Variants in TMEM86A observed in about 807,000 individuals in gnomAD.
TMEM86A encodes transmembrane protein 86A.
In TMEM86A, 13 loss-of-function variants were observed where a neutral mutation model predicts 19.8. The observed-to-expected ratio is 0.66, with a 90% confidence interval of 0.43 to 1.04. The LOEUF is 1.04. TMEM86A is among the 50% of genes least tolerant of loss of function. The pLI is 0.00. For synonymous variants in TMEM86A, 128 were observed against 129.9 expected (o/e 0.99, Z 0.10); for missense variants, 248 against 306.8 (o/e 0.81, Z 1.43).
rs759410122 is a variant in TMEM86A, at chr11:18,701,176, G to A, written c.265G>A (p.Asp89Asn). ...AVGDAFLIWQ[D>N]QGYFVHGLLM... ...AGGTGACGCCTTCCTCATCTGGCAG[G>A]ACCAAGGATACTTCGTGCATGGTCA... The change falls in exon 2 of 3, where the codon GAC (aspartate) becomes AAC (asparagine). Residue 89 changes from aspartate (D) to asparagine (N), a missense_variant. By Grantham distance (23) the Asp-to-Asn change is conservative. Coordinates refer to ENST00000280734, the MANE Select transcript of TMEM86A (RefSeq NM_153347.3). The surrounding 1 kb of genome is among the most constrained non-coding windows in gnomAD (Gnocchi z 5.3). 4.3e-6 allele frequency: 7 copies of A among 1,613,752 alleles called. No individual in the cohort carries two copies. The highest frequency in any genetic ancestry group is 1.7e-5 in the Admixed American group (1 of 60,018).
In TMEM86A at chr11:18,698,786, G is replaced by A; in HGVS notation, c.-101G>A. 1.6e-6 allele frequency: 1 copy of A among 637,118 alleles called. No homozygotes were observed. Among genetic ancestry groups the A allele is most frequent in the South Asian group, 1.6e-5 (1 of 61,210 alleles). 39.5% of individuals were successfully genotyped at this position (637,118 alleles called of 1,614,324 possible). ...GCCGGGCGCTCGGGAGGTATTGTCC[G>A]TCCCTCCGGGCTTTGTAGAATCGTC... On this transcript the variant is annotated 5_prime_UTR_variant, in exon 1 of 3. Coordinates refer to ENST00000280734, the MANE Select transcript of TMEM86A (RefSeq NM_153347.3).
At position 18,703,021 on chromosome 11, in the gene TMEM86A, A is replaced by G. The variant is rs963607572; in HGVS notation, c.*1012A>G. On this transcript the variant is annotated 3_prime_UTR_variant, in exon 3 of 3. Coordinates refer to ENST00000280734, the MANE Select transcript of TMEM86A (RefSeq NM_153347.3). ...GCTCCAATGACACTCCGGGGTTTTA[A>G]GACCCAAGGCACATTCAATGCAAGG... 3 of 152,728 alleles carry G rather than the reference A, an allele frequency of 2.0e-5. No individual in the cohort carries two copies. The highest frequency in any genetic ancestry group is 2.0e-4 in the Admixed American group (3 of 15,286). 9.5% of individuals were successfully genotyped at this position (152,728 alleles called of 1,614,324 possible).
chr11:18,704,475 A>G lies in TMEM86A; in HGVS notation c.*2466A>G, dbSNP rs201097083. ...CCTGGGCTTGGCTGGAGCTCACATG[A>G]GGTGCTTTGATTTCTTCTGCAGACT... On this transcript the variant is annotated 3_prime_UTR_variant, in exon 3 of 3. Transcript: ENST00000280734. The G allele has an allele frequency of 5.6e-4, 863 of 1,549,594 alleles. 1 individual carries two copies. The highest frequency in any genetic ancestry group is 5.3e-4 in the Admixed American group (27 of 50,982).
Position 18,701,750 on chromosome 11 carries a change from G to T in TMEM86A, c.464G>T (p.Gly155Val). The change falls in exon 3 of 3, where the codon GGC becomes GTC. Residue 155 changes from glycine (G) to valine (V), a missense_variant. Gly to Val is a moderately radical substitution (Grantham distance 109, BLOSUM62 -3). Coordinates refer to ENST00000280734, the MANE Select transcript of TMEM86A (RefSeq NM_153347.3). This position sits in a 1 kb window ranked among gnomAD's most constrained non-coding sequence, Gnocchi z 5.3. ...YLVGVYVALI[G>V]FMGWRAMAGL... ...GTGGGGGTCTATGTGGCCCTTATCG[G>T]CTTCATGGGCTGGCGAGCTATGGCA... 6.2e-7 allele frequency: 1 copy of T among 1,614,136 alleles called. No individual in the cohort carries two copies. Among genetic ancestry groups the T allele is most frequent in the Non-Finnish European group, 8.5e-7 (1 of 1,180,026 alleles).
chr11:18,702,195 A>G lies in TMEM86A; in HGVS notation c.*186A>G. The G allele has an allele frequency of 1.6e-6, 1 of 631,852 alleles. No homozygotes were observed. The highest frequency in any genetic ancestry group is 2.7e-6 in the Non-Finnish European group (1 of 366,366). 39.1% of individuals were successfully genotyped at this position (631,852 alleles called of 1,614,324 possible). A position where few individuals can be genotyped will look rare whatever the true frequency, so the allele number is the denominator to read the frequency against. ...CTAGCAGAACTCGTGGTTCAGGACA[A>G]TGCTGAGAGCTAAAAGAGCCAGCCT... On this transcript the variant is annotated 3_prime_UTR_variant, in exon 3 of 3. Transcript: ENST00000280734.
intron 1 of TMEM86A, 123 bp from the exon 2 acceptor site, chr11:18,700,810 A>T: frequency 7.3e-7 from 1 of 1,369,542 alleles, no homozygotes; most frequent in Non-Finnish European, 9.9e-7. Flanking sequence ...CAGTCTTCTC[A>T]GGTTGGGGGT....
Position 18,701,959 on chromosome 11 carries a change from G to C in TMEM86A, c.673G>C (p.Val225Leu). 1 of 1,612,074 alleles carries C rather than the reference G, an allele frequency of 6.2e-7. No homozygotes were observed. Among genetic ancestry groups the C allele is most frequent in the Non-Finnish European group, 8.5e-7 (1 of 1,180,030 alleles). Reference protein sequence around the residue: ...VAQMLVALSAVESREPVEHYR... With the variant: ...VAQMLVALSALESREPVEHYR... ...CCAGATGCTCGTCGCCTTGTCAGCTGTCGAAAGCCGGGAGCCTGTGGAACA... is the reference window on the plus strand; with the variant it reads ...CCAGATGCTCGTCGCCTTGTCAGCTCTCGAAAGCCGGGAGCCTGTGGAACA... The change falls in exon 3 of 3, where the codon GTC (valine) becomes CTC (leucine). Residue 225 changes from valine (V) to leucine (L), a missense_variant. Coordinates refer to ENST00000280734, the MANE Select transcript of TMEM86A (RefSeq NM_153347.3). This position sits in a 1 kb window ranked among gnomAD's most constrained non-coding sequence, Gnocchi z 5.3.
chr11:18,701,541 C>G lies in TMEM86A; in HGVS notation c.287-32C>G. 2 of 1,528,876 alleles carry G rather than the reference C, an allele frequency of 1.3e-6. No homozygotes were observed. The highest frequency in any genetic ancestry group is 1.8e-6 in the Non-Finnish European group (2 of 1,138,604). The allele number at this position is 1,528,876 out of a possible 1,614,324, so 94.7% of individuals were successfully genotyped here. ...TGTTACTCATTCTTCATCAAGCTTG[C>G]CCTCAGCTGCCTTTGCCCCTCTTAC... is the stretch of plus-strand genomic sequence containing the variant. On this transcript the variant is annotated intron_variant, in intron 2 of 2. Transcript: ENST00000280734. This position sits in a 1 kb window ranked among gnomAD's most constrained non-coding sequence, Gnocchi z 5.3.
intron 1 of TMEM86A, among the ~76,000 whole-genome samples, chr11:18,700,436 A>C (rs1203652574): frequency 6.6e-6 from 1 of 152,082 alleles, no homozygotes; most frequent in East Asian, 1.9e-4. Context: ...AGGAGGAGAG[A>C]GGCTGTGGTG....
At position 18,698,825 on chromosome 11, in the gene TMEM86A, G is replaced by A; in HGVS notation, c.-62G>A. On this transcript the variant is annotated 5_prime_UTR_variant, in exon 1 of 3. Coordinates refer to ENST00000280734, the MANE Select transcript of TMEM86A (RefSeq NM_153347.3). The stretch of plus-strand genomic sequence containing the variant: ...TGTAGAATCGTCGCCGGCTTACCTG[G>A]CCGTGGGCGCGTCCTGGCCGCTGCA... 6.1e-6 allele frequency: 4 copies of A among 660,338 alleles called. No homozygotes were observed. The highest frequency in any genetic ancestry group is 2.3e-5 in the Admixed American group (1 of 43,462). The allele number at this position is 660,338 out of a possible 1,614,324, so 40.9% of individuals were successfully genotyped here. A position where few individuals can be genotyped will look rare whatever the true frequency, so the allele number is the denominator to read the frequency against.
chr11:18,701,492 C>T lies in TMEM86A; in HGVS notation c.287-81C>T. 7.0e-7 allele frequency: 1 copy of T among 1,428,352 alleles called. No individual in the cohort carries two copies. Among genetic ancestry groups the T allele is most frequent in the Non-Finnish European group, 9.5e-7 (1 of 1,054,554 alleles). 88.5% of individuals were successfully genotyped at this position (1,428,352 alleles called of 1,614,324 possible). Reference sequence around the variant, plus strand: ...TTATCCCAAACACTCCACTCCATCGCCACATCCATCCCTACCCCCACCCTG... The same window carrying T: ...TTATCCCAAACACTCCACTCCATCGTCACATCCATCCCTACCCCCACCCTG... On this transcript the variant is annotated intron_variant, in intron 2 of 2. Coordinates refer to ENST00000280734, the MANE Select transcript of TMEM86A (RefSeq NM_153347.3). The surrounding 1 kb of genome is among the most constrained non-coding windows in gnomAD (Gnocchi z 5.3).
Position 18,699,944 on chromosome 11 carries a change from C to T in TMEM86A, c.22-989C>T, listed in dbSNP as rs7129477. 0.018 allele frequency: 2,792 copies of T among 152,472 alleles called. 93 individuals carry two copies. Among genetic ancestry groups the T allele is most frequent in the African/African-American group, 0.064 (2,650 of 41,554 alleles). The allele number at this position is 152,472 out of a possible 1,614,324, so 9.4% of individuals were successfully genotyped here. On this transcript the variant is annotated intron_variant, in intron 1 of 2. Transcript: ENST00000280734. This position sits in a 1 kb window ranked among gnomAD's most constrained non-coding sequence, Gnocchi z 4.0. Reference sequence around the variant, plus strand: ...AACTCCAGCTGCTCCATATCACCCTCAATGGATCTGTTAGCAGCCCAAGGA... The same window carrying T: ...AACTCCAGCTGCTCCATATCACCCTTAATGGATCTGTTAGCAGCCCAAGGA...
At position 18,701,877 on chromosome 11, in the gene TMEM86A, A is replaced by G; in HGVS notation, c.591A>G (p.Lys197=). The part of the protein sequence containing the change: ...IISDLTIALN[K]FCFPVPYSRA... ...CAGACCTGACCATCGCCCTCAACAA[A>G]TTCTGTTTTCCTGTGCCCTACTCTC... The change falls in exon 3 of 3, where the codon AAA becomes AAG. Residue 197 remains lysine, a synonymous_variant. Coordinates refer to ENST00000280734, the MANE Select transcript of TMEM86A (RefSeq NM_153347.3). The surrounding 1 kb of genome is among the most constrained non-coding windows in gnomAD (Gnocchi z 5.3). 1 of 1,614,050 alleles carries G rather than the reference A, an allele frequency of 6.2e-7. No homozygotes were observed. The highest frequency in any genetic ancestry group is 8.5e-7 in the Non-Finnish European group (1 of 1,180,018).
At position 18,701,506 on chromosome 11, in the gene TMEM86A, A is replaced by G. The variant is rs1391162989; in HGVS notation, c.287-67A>G. The G allele has an allele frequency of 1.4e-6, 2 of 1,476,506 alleles. No individual in the cohort carries two copies. The highest frequency in any genetic ancestry group is 1.3e-5 in the South Asian group (1 of 74,350). The allele number at this position is 1,476,506 out of a possible 1,614,324, so 91.5% of individuals were successfully genotyped here. A position where few individuals can be genotyped will look rare whatever the true frequency, so the allele number is the denominator to read the frequency against. ...CCACTCCATCGCCACATCCATCCCT[A>G]CCCCCACCCTGTTACTCATTCTTCA... On this transcript the variant is annotated intron_variant, in intron 2 of 2. Transcript: ENST00000280734. The surrounding 1 kb of genome is among the most constrained non-coding windows in gnomAD (Gnocchi z 5.3).
Position 18,701,085 on chromosome 11 carries a change from C to A in TMEM86A, c.174C>A (p.Gly58=). The change falls in exon 2 of 3, where the codon GGC becomes GGA. Residue 58 remains glycine, a synonymous_variant. Coordinates refer to ENST00000280734, the MANE Select transcript of TMEM86A (RefSeq NM_153347.3). The surrounding 1 kb of genome is among the most constrained non-coding windows in gnomAD (Gnocchi z 5.3). ...FCLWLFLLAH[G]LGFLLAHPSA... Reference sequence around the variant, plus strand: ...TCTGGCTCTTCCTTCTGGCCCATGGCCTGGGATTCCTGCTGGCCCACCCCA... The same window carrying A: ...TCTGGCTCTTCCTTCTGGCCCATGGACTGGGATTCCTGCTGGCCCACCCCA... 1.2e-6 allele frequency: 2 copies of A among 1,614,166 alleles called. No individual in the cohort carries two copies. Among genetic ancestry groups the A allele is most frequent in the Non-Finnish European group, 1.7e-6 (2 of 1,180,048 alleles).
In TMEM86A at chr11:18,701,902, C is replaced by A. The variant is rs117231481; in HGVS notation, c.616C>A (p.Arg206=). 1,589 of 1,614,098 alleles carry A rather than the reference C, an allele frequency of 9.8e-4. 1 individual carries two copies. Among genetic ancestry groups the A allele is most frequent in the Non-Finnish European group, 1.3e-3 (1,477 of 1,180,042 alleles). Residue 206 remains arginine (R), a synonymous_variant, in exon 3 of 3, where the codon CGG becomes AGG. Transcript: ENST00000280734. This position sits in a 1 kb window ranked among gnomAD's most constrained non-coding sequence, Gnocchi z 5.3. ...ATTCTGTTTTCCTGTGCCCTACTCT[C>A]GGGCGCTTATCATGTCCACCTACTA... ...NKFCFPVPYS[R]ALIMSTYYVA... is the part of the protein sequence containing the mutation.
chr11:18,700,842 A>T, intron 1 of TMEM86A, 91 bp from the exon 2 acceptor site: 1 of 1,531,504 alleles, frequency 6.5e-7, no homozygotes. Context: ...GGGGGTATGG[A>T]TGGGAGTGTC....
At position 18,703,296 on chromosome 11, in the gene TMEM86A, G is replaced by A. The variant is rs1286206167; in HGVS notation, c.*1287G>A. The A allele has an allele frequency of 6.6e-6, 1 of 152,576 alleles. No homozygotes were observed. The allele number at this position is 152,576 out of a possible 1,614,324, so 9.5% of individuals were successfully genotyped here. A position where few individuals can be genotyped will look rare whatever the true frequency, so the allele number is the denominator to read the frequency against. ...GGTTGGAGTGTGTCTCACTTCCCTGGTGTGGGTGAGGATGTGGTTTAGGAG... is the reference window on the plus strand; with the variant it reads ...GGTTGGAGTGTGTCTCACTTCCCTGATGTGGGTGAGGATGTGGTTTAGGAG... On this transcript the variant is annotated 3_prime_UTR_variant, in exon 3 of 3. Coordinates refer to ENST00000280734, the MANE Select transcript of TMEM86A (RefSeq NM_153347.3).
chr11:18,698,971 A>C, intron 1 of TMEM86A, 64 bp downstream of exon 1: 1 of 467,660 alleles, frequency 2.1e-6, no homozygotes, highest in Non-Finnish European at 3.8e-6. Context: ...TGGCCACCGG[A>C]CTTCGGCAGG....
Sources: gnomAD v4.1 joint callset for allele counts (sites outside exome capture counted in the v4.1 genomes callset) on GRCh38, gnomAD v4.1.1 for gene constraint, Gnocchi (gnomAD v3.1) non-coding constraint, MANE v1.5 for transcripts, NCBI Gene and HGNC (gene_info 2026-07-23, HGNC 2026-07-21) for gene names.